ATP2A3: variants seen among roughly 807,000 people sequenced by gnomAD.
The protein encoded by ATP2A3 is sarcoplasmic/endoplasmic reticulum calcium ATPase 3.
ATP2A3 carries 61 observed loss-of-function variants against 106.8 expected under a neutral mutation model. The observed-to-expected ratio is 0.57, with a 90% CI of 0.46 to 0.71. The LOEUF (loss-of-function observed/expected upper bound fraction) is 0.71, where lower values mean the gene tolerates loss of function less well. Ranked by LOEUF, ATP2A3 falls within the 30% of genes least tolerant of loss-of-function variation. ATP2A3 has a pLI of 0.00. For missense variants in ATP2A3, 1,201 were observed against 1,423.5 expected, an observed-to-expected ratio of 0.84 and a Z score of 2.52; for synonymous variants, 611 against 609.3, an observed-to-expected ratio of 1.00 and a Z score of -0.04.
At position 3,941,244 on chromosome 17, in the gene ATP2A3, G is replaced by A; in HGVS notation, c.1827C>T (p.Ala609=). 3 of 1,614,038 alleles carry A rather than the reference G, an allele frequency of 1.9e-6. No individual in the cohort carries two copies. The highest frequency in any genetic ancestry group is 1.7e-6 in the Non-Finnish European group (2 of 1,180,022). ...CCGCCTGGTAGCAGCGTGTGATGCA[G>A]GCAGCCACCTCAGGTCGCGGCGGGT... is the stretch of plus-strand genomic sequence containing the variant. ...MLDPPRPEVA[A]CITRCYQAGI... Residue 609 remains alanine (A), a synonymous_variant, in exon 14 of 21, where the codon GCC becomes GCT. Transcript: ENST00000397041.
intron 4 of ATP2A3, 30 bp downstream of exon 4, chr17:3,951,551 C>CCGCCCGGT: frequency 7.5e-7 from 1 of 1,341,318 alleles, no homozygotes; most frequent in Non-Finnish European, 1.0e-6. Flanking sequence ...AGACCGCCCC[C>CCGCCCGGT]CGCCCGGTCC....
rs1230417842 is a variant in ATP2A3, at chr17:3,951,324, G to GA, written c.389dup (p.Arg131ProfsTer32). On this transcript the variant is annotated frameshift_variant, in exon 5 of 21. Coordinates refer to ENST00000397041, the MANE Select transcript of ATP2A3 (RefSeq NM_005173.4). LOFTEE classifies it high-confidence loss of function. ...TCTGCACGCCCTTGCGGTCCGAGCG[G>GA]ATCACCTTGCCCATCTCAGGCTCAT... 1 of 1,613,870 alleles carries GA rather than the reference G, an allele frequency of 6.2e-7. No homozygotes were observed. Among genetic ancestry groups the GA allele is most frequent in the Non-Finnish European group, 8.5e-7 (1 of 1,179,998 alleles).
chr17:3,932,734 G>A (rs1007872595), intron 17 of ATP2A3, among the ~76,000 whole-genome samples: 6 of 148,358 alleles, frequency 4.0e-5, no homozygotes, highest in South Asian at 2.1e-4. Context: ...GCAGCCACAC[G>A]TTTCTATTTG....
In ATP2A3 at chr17:3,925,936, G is replaced by A. The variant is rs953020166; in HGVS notation, c.2981-495C>T. On this transcript the variant is annotated intron_variant, in intron 20 of 20. Transcript: ENST00000397041. This position sits in a 1 kb window ranked among gnomAD's most constrained non-coding sequence, Gnocchi z 4.2. ...CTGCCCCTAGCATCAAGCAAAAGCC[G>A]AAATCCAGTCCCAACACCCCATTTC... 6.6e-5 allele frequency among the ~76,000 whole-genome samples: 10 copies of A among 151,474 alleles called. 1 individual carries two copies. The South Asian group carries it at 1.0e-3, about 16-fold the overall frequency.
Position 3,924,591 on chromosome 17 carries a change from G to GTCT in ATP2A3, c.*830_*831insAGA. The GTCT allele has an allele frequency of 2.9e-6, 1 of 350,702 alleles. No homozygotes were observed. Among genetic ancestry groups the GTCT allele is most frequent in the East Asian group, 8.2e-5 (1 of 12,222 alleles). 21.7% of individuals were successfully genotyped at this position (350,702 alleles called of 1,614,324 possible). A position where few individuals can be genotyped will look rare whatever the true frequency, so the allele number is the denominator to read the frequency against. On this transcript the variant is annotated 3_prime_UTR_variant, in exon 21 of 21. Transcript: ENST00000397041. The surrounding 1 kb of genome is among the most constrained non-coding windows in gnomAD (Gnocchi z 6.4). Reference sequence around the variant, plus strand: ...GTCTCAGGTACCAGGGACGCGGGTGGCAAGTTGGACCTCTGCGTGGCAGAC... The same window carrying GTCT: ...GTCTCAGGTACCAGGGACGCGGGTGGTCTCAAGTTGGACCTCTGCGTGGCAGAC...
intron 8 of ATP2A3, among the ~76,000 whole-genome samples, chr17:3,946,887 G>C (rs1215501095): frequency 6.6e-6 from 1 of 152,216 alleles, no homozygotes; most frequent in Non-Finnish European, 1.5e-5. Flanking sequence ...TCCCTTGGCC[G>C]TGTGGGCAGT....
chr17:3,945,080 C>T lies in ATP2A3; in HGVS notation c.1164G>A (p.Thr388=), dbSNP rs1188368226. The T allele has an allele frequency of 6.5e-7, 1 of 1,546,580 alleles. No individual in the cohort carries two copies. Among genetic ancestry groups the T allele is most frequent in the South Asian group, 1.2e-5 (1 of 83,950 alleles). ...LLHEFTISGT[T]YTPEGEVRQG... Reference sequence around the variant, plus strand: ...CTCACACTTCGCCCTCGGGGGTATACGTGGTACCCGAGATGGTGAACTCGT... The same window carrying T: ...CTCACACTTCGCCCTCGGGGGTATATGTGGTACCCGAGATGGTGAACTCGT... Residue 388 remains threonine, a synonymous_variant, in exon 9 of 21, where the codon ACG becomes ACA. Transcript: ENST00000397041.
Position 3,929,915 on chromosome 17 carries a change from A to G in ATP2A3, c.2744+386T>C, listed in dbSNP as rs1262265832. Among the ~76,000 whole-genome samples, 1 of 147,600 alleles carries G rather than the reference A, an allele frequency of 6.8e-6. No individual in the cohort carries two copies. The highest frequency in any genetic ancestry group is 1.5e-5 in the Non-Finnish European group (1 of 67,112). ...CTTGACCCTCTGATCCCAATCCTGA[A>G]CCCCCCAAACATCAGACCCCAACCT... On this transcript the variant is annotated intron_variant, in intron 18 of 20. Transcript: ENST00000397041. This position sits in a 1 kb window ranked among gnomAD's most constrained non-coding sequence, Gnocchi z 4.3.
chr17:3,926,815 C>T lies in ATP2A3; in HGVS notation c.2981-1374G>A. ...TAACTCCTGACTCAGGTGATCTGCC[C>T]ACCTCGGCCTCCCAAAGTGCTGGGA... On this transcript the variant is annotated intron_variant, in intron 20 of 20. Transcript: ENST00000397041. The surrounding 1 kb of genome is among the most constrained non-coding windows in gnomAD (Gnocchi z 4.6). The T allele has an allele frequency of 1.0e-6, 1 of 975,350 alleles. No homozygotes were observed. Among genetic ancestry groups the T allele is most frequent in the Non-Finnish European group, 1.2e-6 (1 of 820,792 alleles). The allele number at this position is 975,350 out of a possible 1,614,324, so 60.4% of individuals were successfully genotyped here. A position where few individuals can be genotyped will look rare whatever the true frequency, so the allele number is the denominator to read the frequency against.
rs566210103 is a variant in ATP2A3, at chr17:3,961,205, G to T, written c.118+2969C>A. 5.9e-5 allele frequency among the ~76,000 whole-genome samples: 9 copies of T among 152,332 alleles called. No homozygotes were observed. In the South Asian group the frequency reaches 1.7e-3, roughly 28 times the overall value. On this transcript the variant is annotated intron_variant, in intron 1 of 20. Coordinates refer to ENST00000397041, the MANE Select transcript of ATP2A3 (RefSeq NM_005173.4). ...GGAGGACTGGGAATGGGTGGCTGGG[G>T]ACGGGGCGGAGAATTTACTGTATAC... is the stretch of plus-strand genomic sequence containing the variant.
At chr17:3,945,323 G>C (rs553158553) in intron 8 of ATP2A3, 175 bp from the exon 9 acceptor site, 2 of 555,222 alleles carry the variant, frequency 3.6e-6, no homozygotes, top group East Asian at 6.6e-5. Flanking sequence ...CTGAGGCAGG[G>C]ACCGTCTGCT....
intron 7 of ATP2A3, 87 bp downstream of exon 7, chr17:3,950,424 A>G (rs1567712445): frequency 2.7e-6 from 4 of 1,464,594 alleles, no homozygotes; most frequent in Non-Finnish European, 2.8e-6. Flanking sequence ...TCAGCCTCCC[A>G]AAGTGCTGGG....
At chr17:3,951,546 G>GCCCCCCCCCCCGGGGCCCCC in intron 4 of ATP2A3, 35 bp downstream of exon 4, 1 of 1,319,568 alleles carries the variant, frequency 7.6e-7, no homozygotes, top group Non-Finnish European at 1.0e-6. Context: ...CTGGGAGACC[G>GCCCCCCCCCCCGGGGCCCCC]CCCCCCGCCC....
intron 8 of ATP2A3, among the ~76,000 whole-genome samples, chr17:3,946,119 G>A (rs1372839847): frequency 1.3e-5 from 2 of 149,652 alleles, no homozygotes; most frequent in Non-Finnish European, 3.0e-5. Flanking sequence ...GTGGTGGCAC[G>A]CGCCTGTAGT....
intron 1 of ATP2A3, among the ~76,000 whole-genome samples, chr17:3,954,895 G>C (rs2054678965): frequency 6.6e-6 from 1 of 152,198 alleles, no homozygotes; most frequent in South Asian, 2.1e-4. Flanking sequence ...ACAGCCTAAA[G>C]GGCAGGCAGG....
At position 3,944,782 on chromosome 17, in the gene ATP2A3, G is replaced by C. The variant is rs1203320378; in HGVS notation, c.1209C>G (p.Arg403=). ...CCACCAGCCCGTCGAACTGGCCGCA[G>C]CGCACAGGCTGATCCCCCTGCCGCC... ...GEVRQGDQPV[R]CGQFDGLVEL... is the part of the protein sequence containing the mutation. The change falls in exon 10 of 21, where the codon CGC becomes CGG. Residue 403 remains arginine (R), a synonymous_variant. Coordinates refer to ENST00000397041, the MANE Select transcript of ATP2A3 (RefSeq NM_005173.4). 2.5e-6 allele frequency: 4 copies of C among 1,612,194 alleles called. No homozygotes were observed. Among genetic ancestry groups the C allele is most frequent in the Non-Finnish European group, 3.4e-6 (4 of 1,179,348 alleles).
rs142272402 is a variant in ATP2A3 at position 3,947,706 on chromosome 17, C to T, written c.780G>A (p.Leu260=). The T allele has an allele frequency of 1.2e-6, 2 of 1,611,348 alleles. No homozygotes were observed. Among genetic ancestry groups the T allele is most frequent in the African/African-American group, 1.3e-5 (1 of 75,064 alleles). Reference sequence around the variant, plus strand: ...CGCAGATCACAGAGATGGCGTGGGACAGCTGCCGTCCAAACTCGTCCAGCT... The same window carrying T: ...CGCAGATCACAGAGATGGCGTGGGATAGCTGCCGTCCAAACTCGTCCAGCT... The part of the protein sequence containing the change: ...QRKLDEFGRQ[L]SHAISVICVA... Residue 260 remains leucine, a synonymous_variant, in exon 8 of 21, where the codon CTG becomes CTA. Coordinates refer to ENST00000397041, the MANE Select transcript of ATP2A3 (RefSeq NM_005173.4). This position sits in a 1 kb window ranked among gnomAD's most constrained non-coding sequence, Gnocchi z 7.7.
In ATP2A3 at chr17:3,937,608, G is replaced by A. The variant is rs1567690083; in HGVS notation, c.2129C>T (p.Ala710Val). The change falls in exon 15 of 21, where the codon GCC (alanine) becomes GTC (valine). Residue 710 changes from alanine to valine, a missense_variant. Physicochemically the swap from Ala to Val is moderately conservative, Grantham distance 64 (BLOSUM62 0). Transcript: ENST00000397041. ...MTGDGVNDAPALKKAEIGIAM... is the reference protein window; with the variant it reads ...MTGDGVNDAPVLKKAEIGIAM... ...GATGCCGATCTCTGCTTTCTTCAGGGCTGGTGCGTCGTTCACTCCATCGCC... is the reference window on the plus strand; with the variant it reads ...GATGCCGATCTCTGCTTTCTTCAGGACTGGTGCGTCGTTCACTCCATCGCC... 1 of 1,613,974 alleles carries A rather than the reference G, an allele frequency of 6.2e-7. No individual in the cohort carries two copies. Among genetic ancestry groups the A allele is most frequent in the Non-Finnish European group, 8.5e-7 (1 of 1,179,994 alleles).
In ATP2A3 at chr17:3,951,700, C is replaced by G. The variant is rs763965356; in HGVS notation, c.220-15G>C. ...CAGGCCAGGACCTGCAGGATCACAGCTGGTGAGCTCAGGCCCTGCTGCGGG... is the reference window on the plus strand; with the variant it reads ...CAGGCCAGGACCTGCAGGATCACAGGTGGTGAGCTCAGGCCCTGCTGCGGG... On this transcript the variant is annotated splice_polypyrimidine_tract_variant and intron_variant, in intron 3 of 20. Transcript: ENST00000397041. 1.2e-6 allele frequency: 2 copies of G among 1,601,170 alleles called. No individual in the cohort carries two copies. Among genetic ancestry groups the G allele is most frequent in the South Asian group, 1.1e-5 (1 of 88,646 alleles).
Sources: allele counts gnomAD v4.1 joint callset (sites outside exome capture counted in the v4.1 genomes callset), GRCh38; gene constraint gnomAD v4.1.1; non-coding constraint Gnocchi (gnomAD v3.1); transcripts MANE v1.5; gene names NCBI Gene and HGNC (gene_info 2026-07-23, HGNC 2026-07-21).